The following ANKRD10 variants were observed in gnomAD, a reference collection of about 807,000 sequenced individuals.
ANKRD10 encodes the protein ankyrin repeat domain-containing protein 10.
ANKRD10 carries 14 observed loss-of-function variants against 27.0 expected under a neutral mutation model. The observed-to-expected ratio is 0.52, with a 90% CI of 0.34 to 0.81. The LOEUF (loss-of-function observed/expected upper bound fraction) is 0.81, where lower values mean the gene tolerates loss of function less well. Among genes scored for constraint, ANKRD10 ranks in the 40% least tolerant of loss-of-function variants. ANKRD10 has a pLI of 0.01. For missense variants in ANKRD10, 493 were observed against 544.0 expected (o/e 0.91, Z 0.93); for synonymous variants, 250 against 224.5 (o/e 1.11, Z -1.01).
chr13:110,911,256 C>G (rs2065696111), intron 1 of ANKRD10, among the ~76,000 whole-genome samples: 1 of 151,390 alleles, frequency 6.6e-6, no homozygotes, highest in African/African-American at 2.4e-5. Context: ...TCGAAACCAG[C>G]CTGGCCAACA....
intron 5 of ANKRD10, 81 bp from the exon 6 acceptor site, chr13:110,880,193 A>G: frequency 8.7e-7 from 1 of 1,147,672 alleles, no homozygotes; most frequent in South Asian, 1.6e-5. Flanking sequence ...CTGCCATTAC[A>G]ATTTTAAAGA....
At chr13:110,908,372 T>A (rs2065597475) in intron 2 of ANKRD10, among the ~76,000 whole-genome samples, 1 of 152,214 alleles carries the variant, frequency 6.6e-6, no homozygotes, top group Non-Finnish European at 1.5e-5. Flanking sequence ...CTGGCTTCAT[T>A]TCCTCTTGGG....
intron 4 of ANKRD10, chr13:110,892,741 C>T (rs2065114975): frequency 3.7e-6 from 4 of 1,086,722 alleles, no homozygotes; most frequent in East Asian, 5.9e-5. Flanking sequence ...CAAACAGATA[C>T]AACAAATTAA....
In ANKRD10 at chr13:110,893,254, A is replaced by G; in HGVS notation, c.465T>C (p.Asn155=). Residue 155 remains asparagine (N), a synonymous_variant, in exon 4 of 6, where the codon AAT becomes AAC. Transcript: ENST00000267339. ...TGTCTGCTGCTGTCAGGCCACTGGC[A>G]TTTCTCAGGCTGTACAACACAAAAA... ...VANGAHVDLR[N]ASGLTAADIA... The G allele has an allele frequency of 6.2e-7, 1 of 1,614,072 alleles. No individual in the cohort carries two copies. The highest frequency in any genetic ancestry group is 8.5e-7 in the Non-Finnish European group (1 of 1,179,956).
chr13:110,893,320 C>A (rs1594577192), intron 3 of ANKRD10, 57 bp from the exon 4 acceptor site: 1 of 1,544,948 alleles, frequency 6.5e-7, no homozygotes, highest in South Asian at 1.2e-5. Flanking sequence ...CTGGTCTCTG[C>A]TCCTGCTGAA....
Position 110,900,873 on chromosome 13 carries a change from T to C in ANKRD10, c.455+5160A>G, listed in dbSNP as rs77119147. ...GCAGAAGCACACTGAGCTTAAGCCA[T>C]TGTCATGTGACCACCTTGACCATGA... On this transcript the variant is annotated intron_variant, in intron 3 of 5. Coordinates refer to ENST00000267339, the MANE Select transcript of ANKRD10 (RefSeq NM_017664.4). The C allele has an allele frequency of 6.3e-5, 20 of 318,536 alleles. No homozygotes were observed. In the East Asian group the frequency reaches 1.7e-3, roughly 28 times the overall value. 19.7% of individuals were successfully genotyped at this position (318,536 alleles called of 1,614,324 possible). A position where few individuals can be genotyped will look rare whatever the true frequency, so the allele number is the denominator to read the frequency against.
At chr13:110,910,870 T>C (rs2065679767) in intron 1 of ANKRD10, 100 bp from the exon 2 acceptor site, 4 of 1,273,978 alleles carry the variant, frequency 3.1e-6, no homozygotes, top group East Asian at 2.7e-5. Context: ...CAAATGGCAT[T>C]GTTACCAGTT....
At chr13:110,913,986 C>T (rs968886444) in intron 1 of ANKRD10, among the ~76,000 whole-genome samples, 3 of 152,198 alleles carry the variant, frequency 2.0e-5, no homozygotes, top group African/African-American at 7.2e-5. Flanking sequence ...GTAAAGCCTC[C>T]ACGGGAAGAG....
At chr13:110,903,602 CTTA>C (rs982883334) in intron 3 of ANKRD10, 9 of 153,594 alleles carry the variant, frequency 5.9e-5, no homozygotes, top group South Asian at 2.1e-4. Flanking sequence ...TGTACTTGCC[CTTA>C]TTATTATGTA....
Position 110,910,710 on chromosome 13 carries a change from A to C in ANKRD10, c.271T>G (p.Tyr91Asp), listed in dbSNP as rs2065672150. The C allele has an allele frequency of 6.2e-7, 1 of 1,614,074 alleles. No homozygotes were observed. The highest frequency in any genetic ancestry group is 8.5e-7 in the Non-Finnish European group (1 of 1,180,048). Residue 91 changes from tyrosine to aspartate, a missense_variant, in exon 2 of 6, where the codon TAC becomes GAC. By Grantham distance (160) the Tyr-to-Asp change is radical (BLOSUM62 -3). Transcript: ENST00000267339. ...GATLNVSTTR[Y>D]AQTPAHIAAF... ...GCAATGTGGGCTGGCGTCTGCGCGTACCGTGTGGTGGAGACGTTGAGTGTG... is the reference window on the plus strand; with the variant it reads ...GCAATGTGGGCTGGCGTCTGCGCGTCCCGTGTGGTGGAGACGTTGAGTGTG...
At chr13:110,901,269 A>G (rs1463114917) in intron 3 of ANKRD10, among the ~76,000 whole-genome samples, 1 of 152,238 alleles carries the variant, frequency 6.6e-6, no homozygotes, top group Non-Finnish European at 1.5e-5. Flanking sequence ...TATATTCTTC[A>G]GTTAATAATA....
chr13:110,891,386 T>G (rs548776554), intron 4 of ANKRD10, among the ~76,000 whole-genome samples: 1 of 152,224 alleles, frequency 6.6e-6, no homozygotes, highest in South Asian at 2.1e-4. Context: ...AAAGACCATT[T>G]TGAATTTTAT....
Position 110,914,731 on chromosome 13 carries a change from G to A in ANKRD10, c.204C>T (p.Phe68=), listed in dbSNP as rs1465117752. The change falls in exon 1 of 6, where the codon TTC becomes TTT. Residue 68 remains phenylalanine (F), a synonymous_variant. Coordinates refer to ENST00000267339, the MANE Select transcript of ANKRD10 (RefSeq NM_017664.4). ...GWTPVHWAAH[F]GKLECLVQLV... ...TTAAAGCGTTCGCACCCACCTTGCC[G>A]AAATGCGCGGCCCAGTGCACGGGCG... 8 of 1,583,528 alleles carry A rather than the reference G, an allele frequency of 5.1e-6. No homozygotes were observed. The highest frequency in any genetic ancestry group is 6.9e-6 in the Non-Finnish European group (8 of 1,165,730).
Position 110,880,047 on chromosome 13 carries a change from C to A in ANKRD10, c.853G>T (p.Asp285Tyr), listed in dbSNP as rs2064782347. 1 of 1,614,032 alleles carries A rather than the reference C, an allele frequency of 6.2e-7. No individual in the cohort carries two copies. Among genetic ancestry groups the A allele is most frequent in the Non-Finnish European group, 8.5e-7 (1 of 1,180,008 alleles). ...TNGCVINGHL[D>Y]FPSTTPLSGM... ...CTGAGCGGGGTCGTGGAGGGGAAGT[C>A]CAAATGTCCATTGATGACACATCCA... Residue 285 changes from aspartate (D) to tyrosine (Y), a missense_variant, in exon 6 of 6, where the codon GAC becomes TAC. Transcript: ENST00000267339.
At chr13:110,892,952 C>T (rs796713666) in intron 4 of ANKRD10, 76 bp downstream of exon 4, 21 of 1,561,604 alleles carry the variant, frequency 1.3e-5, no homozygotes, top group South Asian at 7.4e-5. Flanking sequence ...CTCGAAGGTG[C>T]GCTCAGCCAT....
At chr13:110,908,611 T>C (rs2065603868) in intron 2 of ANKRD10, among the ~76,000 whole-genome samples, 1 of 152,180 alleles carries the variant, frequency 6.6e-6, no homozygotes. Context: ...GGATTTGGCA[T>C]CCTGAGTTTA....
chr13:110,892,769 A>G (rs2065116007), intron 4 of ANKRD10: 6 of 1,175,008 alleles, frequency 5.1e-6, no homozygotes, highest in Non-Finnish European at 5.3e-6. Context: ...AATTCATGGC[A>G]GGTAAACATG....
intron 4 of ANKRD10, among the ~76,000 whole-genome samples, chr13:110,889,450 A>G (rs2065019280): frequency 6.6e-6 from 1 of 152,208 alleles, no homozygotes; most frequent in Non-Finnish European, 1.5e-5. Context: ...GTTCTGACTA[A>G]ACTGCATTTG....
rs754694113 is a variant in ANKRD10, at chr13:110,878,891, C to A, written c.*746G>T. ...TCAACAGTCAGTTAAATATTTTGACCTGACAGTTTCTACAAATAGTGATTT... is the reference window on the plus strand; with the variant it reads ...TCAACAGTCAGTTAAATATTTTGACATGACAGTTTCTACAAATAGTGATTT... On this transcript the variant is annotated 3_prime_UTR_variant, in exon 6 of 6. Transcript: ENST00000267339. The A allele has an allele frequency of 1.3e-5, 2 of 152,260 alleles. No homozygotes were observed. Among genetic ancestry groups the A allele is most frequent in the Admixed American group, 1.3e-4 (2 of 15,276 alleles). 9.4% of individuals were successfully genotyped at this position (152,260 alleles called of 1,614,324 possible).
Sources: gnomAD v4.1 joint callset for allele counts (sites outside exome capture counted in the v4.1 genomes callset) on GRCh38, gnomAD v4.1.1 for gene constraint, MANE v1.5 for transcripts, NCBI Gene and HGNC (gene_info 2026-07-23, HGNC 2026-07-21) for gene names.